Variants in TUB observed in about 807,000 individuals in gnomAD.
TUB encodes tubby protein homolog.
Under a neutral mutation model 59.7 loss-of-function variants are expected in TUB, and 33 were observed. That is an observed-to-expected ratio of 0.55 (90% CI 0.42 to 0.74). The LOEUF is 0.74. TUB is among the 30% of genes least tolerant of loss of function. TUB has a pLI of 0.00. For missense variants in TUB, 659 were observed against 672.0 expected (o/e 0.98, Z 0.21); for synonymous variants, 293 against 256.4 (o/e 1.14, Z -1.36).
upstream of TUB, among the ~76,000 whole-genome samples, chr11:8,037,305 A>AT (rs1942662204): frequency 6.6e-6 from 1 of 152,104 alleles, no homozygotes; most frequent in Non-Finnish European, 1.5e-5. Context: ...TCTGAGCCTG[A>AT]TTTTCCCAAC....
At chr11:8,038,498 G>A (rs1942683717), upstream of TUB, 3 of 583,604 alleles carry the variant, frequency 5.1e-6, no homozygotes, top group Non-Finnish European at 6.6e-6. Flanking sequence ...GGTTCCTCCA[G>A]ATGGGGCCTT....
chr11:8,089,074 A>C (rs554661631), intron 1 of TUB, among the ~76,000 whole-genome samples: 1 of 152,316 alleles, frequency 6.6e-6, no homozygotes, highest in South Asian at 2.1e-4. Context: ...GGGAGTAGAC[A>C]AAGTCAGGAC....
intron 3 of TUB, among the ~76,000 whole-genome samples, chr11:8,091,814 C>T (rs2086120101): frequency 6.6e-6 from 1 of 152,196 alleles, no homozygotes; most frequent in African/African-American, 2.4e-5. Context: ...TCCTCCACTT[C>T]CTTTGTGAGT....
At chr11:8,090,007 T>C in intron 2 of TUB, 62 bp from the exon 3 acceptor site, 1 of 1,499,522 alleles carries the variant, frequency 6.7e-7, no homozygotes, top group Admixed American at 2.3e-5. Flanking sequence ...GACCCCCCGA[T>C]AACTGGGAGC....
Position 8,024,225 on chromosome 11 carries a change from G to A in TUB, c.56+4867G>A, listed in dbSNP as rs73414927. ...TTATTCCCTCACGTATGCTCAGCAC[G>A]ACTCTAGCCCGGCGTGGATCAATGT... On this transcript the variant is annotated intron_variant, in intron 1 of 11. Transcript: ENST00000534099. 2.4e-3 allele frequency among the ~76,000 whole-genome samples: 360 copies of A among 152,266 alleles called. 1 individual carries two copies. The highest frequency in any genetic ancestry group is 8.1e-3 in the African/African-American group (338 of 41,542).
intron 1 of TUB, among the ~76,000 whole-genome samples, chr11:8,081,887 G>C (rs1392889398): frequency 6.6e-6 from 1 of 152,220 alleles, no homozygotes; most frequent in African/African-American, 2.4e-5. Context: ...TGTGCAGGGT[G>C]CGCGCACACG....
chr11:8,098,632 C>G (rs143036624), intron 8 of TUB, 126 bp from the exon 9 acceptor site: 1 of 689,882 alleles, frequency 1.4e-6, no homozygotes, highest in African/African-American at 1.8e-5. Context: ...AGCAGTATGC[C>G]TCCCTGGGCC....
At chr11:8,056,056 G>A (rs545568295) in intron 2 of TUB, among the ~76,000 whole-genome samples, 1 of 152,178 alleles carries the variant, frequency 6.6e-6, no homozygotes, top group Non-Finnish European at 1.5e-5. Flanking sequence ...GAGCAGGAAG[G>A]AGCTGGCTGC....
intron 5 of TUB, among the ~76,000 whole-genome samples, chr11:8,096,369 C>G (rs1019117481): frequency 6.6e-6 from 1 of 152,166 alleles, no homozygotes; most frequent in Non-Finnish European, 1.5e-5. Context: ...ACACAAGAGA[C>G]AGTGGTAGGG....
At chr11:8,058,962 C>T (rs1943071072) in intron 2 of TUB, among the ~76,000 whole-genome samples, 1 of 152,214 alleles carries the variant, frequency 6.6e-6, no homozygotes, top group African/African-American at 2.4e-5. Context: ...TGAGTCTACG[C>T]ATGCAGACAT....
rs766908413 is a variant in TUB, at chr11:8,097,351, C to T, written c.811C>T (p.Arg271Trp). 8.7e-6 allele frequency: 14 copies of T among 1,614,068 alleles called. No homozygotes were observed. Among genetic ancestry groups the T allele is most frequent in the South Asian group, 4.4e-5 (4 of 91,094 alleles). The change falls in exon 7 of 12, where the codon CGG becomes TGG. Residue 271 changes from arginine to tryptophan, a missense_variant. Coordinates refer to ENST00000299506, the MANE Select transcript of TUB (RefSeq NM_177972.3). ...QGITIKCRITRDKKGMDRGMY... is the reference protein window; with the variant it reads ...QGITIKCRITWDKKGMDRGMY... ...TATCACCATCAAATGCCGCATCACT[C>T]GGGACAAGAAAGGGATGGACCGGGG... is the stretch of plus-strand genomic sequence containing the variant.
chr11:8,097,349 C>T lies in TUB; in HGVS notation c.809C>T (p.Thr270Ile), dbSNP rs763352496. 8 of 1,614,074 alleles carry T rather than the reference C, an allele frequency of 5.0e-6. No homozygotes were observed. Among genetic ancestry groups the T allele is most frequent in the East Asian group, 2.2e-5 (1 of 44,888 alleles). Reference sequence around the variant, plus strand: ...GGTATCACCATCAAATGCCGCATCACTCGGGACAAGAAAGGGATGGACCGG... The same window carrying T: ...GGTATCACCATCAAATGCCGCATCATTCGGGACAAGAAAGGGATGGACCGG... Reference protein sequence around the residue: ...PQGITIKCRITRDKKGMDRGM... With the variant: ...PQGITIKCRIIRDKKGMDRGM... Residue 270 changes from threonine (T) to isoleucine (I), a missense_variant, in exon 7 of 12, where the codon ACT (threonine) becomes ATT (isoleucine). By Grantham distance (89) the Thr-to-Ile change is moderately conservative. Transcript: ENST00000299506.
chr11:8,067,512 T>C (rs1411640091), intron 2 of TUB: 1 of 152,266 alleles, frequency 6.6e-6, no homozygotes, highest in Non-Finnish European at 1.5e-5. Flanking sequence ...CTACTGTTAT[T>C]ATTTTGTGCC....
At chr11:8,083,426 G>C (rs1468606950) in intron 1 of TUB, among the ~76,000 whole-genome samples, 1 of 152,218 alleles carries the variant, frequency 6.6e-6, no homozygotes, top group African/African-American at 2.4e-5. Context: ...AGAGTGTGCA[G>C]GGGTCTTAGA....
At chr11:8,029,574 T>A (rs9971444) in intron 1 of TUB, among the ~76,000 whole-genome samples, 1 of 151,952 alleles carries the variant, frequency 6.6e-6, no homozygotes, top group South Asian at 2.1e-4. Context: ...TTTTTGGTAT[T>A]GACGAGTTTT....
At chr11:8,034,159 T>C (rs1023270588), upstream of TUB, among the ~76,000 whole-genome samples, 1 of 151,980 alleles carries the variant, frequency 6.6e-6, no homozygotes, top group Non-Finnish European at 1.5e-5. Flanking sequence ...TATCCAAGGG[T>C]CCCAGACAGA....
In TUB at chr11:8,026,373, C is replaced by T. The variant is rs78338779; in HGVS notation, c.56+7015C>T. Among the ~76,000 whole-genome samples, 395 of 151,308 alleles carry T rather than the reference C, an allele frequency of 2.6e-3. 1 individual carries two copies. Among genetic ancestry groups the T allele is most frequent in the African/African-American group, 9.1e-3 (373 of 41,212 alleles). ...ATCTAAGAAATCATTGCCTACTTTG[C>T]GGTGACAAAGGTTTTTCTAGGAATT... On this transcript the variant is annotated intron_variant, in intron 1 of 11. Coordinates refer to the TUB transcript ENST00000534099.
chr11:8,021,777 G>A (rs1450773792), intron 1 of TUB, among the ~76,000 whole-genome samples: 2 of 151,622 alleles, frequency 1.3e-5, no homozygotes, highest in South Asian at 2.1e-4. Flanking sequence ...TTAGCTGGGC[G>A]TGGTGTCGGG....
rs1944444332 is a variant in TUB at position 8,104,476 on chromosome 11, A to G, written c.*2857A>G. 2 of 152,212 alleles carry G rather than the reference A, an allele frequency of 1.3e-5. No homozygotes were observed. The highest frequency in any genetic ancestry group is 2.4e-5 in the African/African-American group (1 of 41,458). 9.4% of individuals were successfully genotyped at this position (152,212 alleles called of 1,614,324 possible). A position where few individuals can be genotyped will look rare whatever the true frequency, so the allele number is the denominator to read the frequency against. On this transcript the variant is annotated 3_prime_UTR_variant, in exon 12 of 12. Coordinates refer to ENST00000299506, the MANE Select transcript of TUB (RefSeq NM_177972.3). ...TGTTTATTTGGGGAAAAGGGCAATC[A>G]GCAATCAACTGAGGTTTCTTAATTG...
Sources: allele counts gnomAD v4.1 joint callset (sites outside exome capture counted in the v4.1 genomes callset), GRCh38; gene constraint gnomAD v4.1.1; transcripts MANE v1.5; gene names NCBI Gene and HGNC (gene_info 2026-07-23, HGNC 2026-07-21).